CYP19A1: variants seen among roughly 807,000 people sequenced by gnomAD.
CYP19A1 encodes the protein aromatase.
A neutral mutation model predicts 44.4 loss-of-function variants in CYP19A1; 32 were observed. The observed-to-expected ratio is 0.72, with a 90% CI of 0.54 to 0.97. The LOEUF is 0.97. Among genes scored for constraint, CYP19A1 ranks in the 50% least tolerant of loss-of-function variants. The pLI, the probability that CYP19A1 is intolerant of heterozygous loss-of-function variation, is 0.00. For missense variants in CYP19A1, 598 were observed against 637.8 expected, an observed-to-expected ratio of 0.94 and a Z score of 0.67; for synonymous variants, 212 against 215.6, an observed-to-expected ratio of 0.98 and a Z score of 0.14.
In CYP19A1 at chr15:51,305,059, C is replaced by T. The variant is rs530090673; in HGVS notation, c.-39+33436G>A. ...GCATTACAGGCGCCTGCCACCACGC[C>T]CAGCTAATTTTTGTATTTTTAGTAG... On this transcript the variant is annotated intron_variant, in intron 1 of 9. Transcript: ENST00000396402. Among the ~76,000 whole-genome samples the T allele has an allele frequency of 9.5e-4, 145 of 151,990 alleles. 1 individual carries two copies. The highest frequency in any genetic ancestry group is 2.9e-3 in the Admixed American group (44 of 15,290).
At chr15:51,232,738 C>A (rs2033124622) in intron 3 of CYP19A1, among the ~76,000 whole-genome samples, 1 of 152,238 alleles carries the variant, frequency 6.6e-6, no homozygotes, top group Non-Finnish European at 1.5e-5. Flanking sequence ...ATCATCTCTA[C>A]TGCTACCACC....
chr15:51,314,477 G>C (rs2036385048), intron 1 of CYP19A1, among the ~76,000 whole-genome samples: 1 of 152,146 alleles, frequency 6.6e-6, no homozygotes, highest in Admixed American at 6.5e-5. Context: ...CATTCTGGGA[G>C]AGTGATGAGA....
At position 51,210,354 on chromosome 15, in the gene CYP19A1, T is replaced by C. The variant is rs555829416; in HGVS notation, c.*454A>G. On this transcript the variant is annotated 3_prime_UTR_variant, in exon 10 of 10. Transcript: ENST00000396402. ...AGAAAACAAAATTAAAGTACTTTAA[T>C]TCACACTAGCAGGTGGGTTTGGCCC... The C allele has an allele frequency of 1.0e-5, 5 of 487,880 alleles. No individual in the cohort carries two copies. Among genetic ancestry groups the C allele is most frequent in the Admixed American group, 9.2e-5 (4 of 43,328 alleles). The allele number at this position is 487,880 out of a possible 1,614,324, so 30.2% of individuals were successfully genotyped here. A position where few individuals can be genotyped will look rare whatever the true frequency, so the allele number is the denominator to read the frequency against.
intron 1 of CYP19A1, among the ~76,000 whole-genome samples, chr15:51,323,531 A>G (rs1463993656): frequency 6.6e-6 from 1 of 151,060 alleles, no homozygotes; most frequent in Non-Finnish European, 1.5e-5. Flanking sequence ...GTCTTGGGAA[A>G]TTTATTTAAC....
At chr15:51,261,162 G>T (rs1178440258) in intron 1 of CYP19A1, among the ~76,000 whole-genome samples, 1 of 152,210 alleles carries the variant, frequency 6.6e-6, no homozygotes, top group Non-Finnish European at 1.5e-5. Context: ...TAGTTGCTGG[G>T]TTCCACGGTT....
intron 1 of CYP19A1, among the ~76,000 whole-genome samples, chr15:51,300,585 C>T (rs936618606): frequency 8.5e-5 from 13 of 152,154 alleles, no homozygotes; most frequent in South Asian, 4.1e-4. Context: ...CCTCCCACCA[C>T]GCCTGCCAGG....
chr15:51,279,462 C>T (rs2035439631), intron 1 of CYP19A1, among the ~76,000 whole-genome samples: 1 of 152,134 alleles, frequency 6.6e-6, no homozygotes, highest in South Asian at 2.1e-4. Flanking sequence ...GACCCACAAC[C>T]AACTTGAATT....
At chr15:51,274,820 GA>G (rs1295961110) in intron 1 of CYP19A1, among the ~76,000 whole-genome samples, 1 of 152,090 alleles carries the variant, frequency 6.6e-6, no homozygotes, top group Non-Finnish European at 1.5e-5. Flanking sequence ...AACTCTCTAA[GA>G]TTGATCCCTT....
At chr15:51,256,548 G>T (rs975519911) in intron 1 of CYP19A1, among the ~76,000 whole-genome samples, 2 of 152,104 alleles carry the variant, frequency 1.3e-5, no homozygotes, top group African/African-American at 2.4e-5. Context: ...ATTCTGATCC[G>T]CAAAGGCCAA....
intron 1 of CYP19A1, among the ~76,000 whole-genome samples, chr15:51,282,472 T>C (rs1566910498): frequency 6.6e-6 from 1 of 152,244 alleles, no homozygotes; most frequent in African/African-American, 2.4e-5. Flanking sequence ...CTGTAGATCA[T>C]GTGCTTGCCC....
rs1297534306 is a variant in CYP19A1 at position 51,222,486 on chromosome 15, C to T, written c.491G>A (p.Cys164Tyr). The part of the protein sequence containing the change: ...GPGLVRMVTV[C>Y]AESLKTHLDR... ...CAGATGTGTTTTGAGGGATTCAGCA[C>T]AGACTGTGACCATACGAACAAGGCC... is the stretch of plus-strand genomic sequence containing the variant. Residue 164 changes from cysteine to tyrosine, a missense_variant, in exon 5 of 10, where the codon TGT becomes TAT. Physicochemically the swap from Cys to Tyr is radical, Grantham distance 194 (BLOSUM62 -2). Coordinates refer to ENST00000396402, the MANE Select transcript of CYP19A1 (RefSeq NM_000103.4). The T allele has an allele frequency of 3.7e-6, 6 of 1,614,096 alleles. No homozygotes were observed. In the South Asian group the frequency reaches 5.5e-5, roughly 15 times the overall value.
chr15:51,290,752 C>T (rs901254528), intron 1 of CYP19A1, among the ~76,000 whole-genome samples: 4 of 152,218 alleles, frequency 2.6e-5, no homozygotes, highest in Non-Finnish European at 5.9e-5. Context: ...TCCTTCCCTC[C>T]GAGCGTCATG....
intron 1 of CYP19A1, among the ~76,000 whole-genome samples, chr15:51,330,749 A>C (rs1217612531): frequency 6.6e-6 from 1 of 152,230 alleles, no homozygotes; most frequent in East Asian, 1.9e-4. Context: ...AGTAGGAGGA[A>C]AACCAAGAGA....
chr15:51,305,621 T>C (rs2036201343), intron 1 of CYP19A1, among the ~76,000 whole-genome samples: 1 of 152,044 alleles, frequency 6.6e-6, no homozygotes. Flanking sequence ...AGTGCAATGG[T>C]GCAATCTTGG....
At chr15:51,287,030 G>A (rs539175290) in intron 1 of CYP19A1, among the ~76,000 whole-genome samples, 1 of 152,348 alleles carries the variant, frequency 6.6e-6, no homozygotes, top group African/African-American at 2.4e-5. Flanking sequence ...GGCATCAATA[G>A]AGGGCAGGGT....
At chr15:51,311,305 A>G (rs988377755) in intron 1 of CYP19A1, among the ~76,000 whole-genome samples, 2 of 152,252 alleles carry the variant, frequency 1.3e-5, no homozygotes, top group African/African-American at 4.8e-5. Context: ...ATGGCAATAT[A>G]TTAGAACTGA....
chr15:51,232,279 T>C (rs1185275484), intron 3 of CYP19A1, among the ~76,000 whole-genome samples: 1 of 152,224 alleles, frequency 6.6e-6, no homozygotes, highest in African/African-American at 2.4e-5. Context: ...TGTTGCTAAA[T>C]GCAGTACTGA....
intron 3 of CYP19A1, among the ~76,000 whole-genome samples, chr15:51,230,348 T>C (rs1388131703): frequency 5.3e-5 from 8 of 152,034 alleles, no homozygotes; most frequent in African/African-American, 1.9e-4. Flanking sequence ...CTGAGGAGAG[T>C]CCAGCTGAGT....
intron 1 of CYP19A1, among the ~76,000 whole-genome samples, chr15:51,280,671 AGT>A (rs2035488243): frequency 6.6e-6 from 1 of 152,214 alleles, no homozygotes; most frequent in African/African-American, 2.4e-5. Flanking sequence ...GCCCTCACTC[AGT>A]GTGGTGTGGT....
Sources: allele counts gnomAD v4.1 joint callset (sites outside exome capture counted in the v4.1 genomes callset), GRCh38; gene constraint gnomAD v4.1.1; transcripts MANE v1.5; gene names NCBI Gene and HGNC (gene_info 2026-07-23, HGNC 2026-07-21).